GRM5: variants seen among roughly 807,000 people sequenced by gnomAD.
GRM5 encodes the protein glutamate metabotropic receptor 5, also known as metabotropic glutamate receptor 5.
GRM5 carries 19 observed loss-of-function variants against 83.1 expected under a neutral mutation model. The ratio of observed to expected loss-of-function variants is 0.23; its 90% CI spans 0.16 to 0.34. The LOEUF is 0.34. Ranked by LOEUF, GRM5 falls within the 10% of genes least tolerant of loss-of-function variation. The pLI is 1.00. For synonymous variants in GRM5, 675 were observed against 633.6 expected (o/e 1.07, Z -0.98); for missense variants, 1,160 against 1,588.3 (o/e 0.73, Z 4.58).
At chr11:88,742,777 G>T (rs764237098) in intron 3 of GRM5, among the ~76,000 whole-genome samples, 1 of 152,092 alleles carries the variant, frequency 6.6e-6, no homozygotes, top group Non-Finnish European at 1.5e-5. Flanking sequence ...TGTAAGGAAT[G>T]CATTTTTAAC....
intron 3 of GRM5, among the ~76,000 whole-genome samples, chr11:88,707,200 C>T (rs937077772): frequency 1.3e-5 from 2 of 152,058 alleles, no homozygotes; most frequent in Non-Finnish European, 2.9e-5. Flanking sequence ...CTTAACTGTG[C>T]TTCAGTTTCT....
chr11:89,029,209 A>G (rs978957751), intron 2 of GRM5, among the ~76,000 whole-genome samples: 5 of 152,204 alleles, frequency 3.3e-5, no homozygotes, highest in African/African-American at 4.8e-5. Context: ...CCAAAACATT[A>G]CAGAATTTGT....
intron 2 of GRM5, among the ~76,000 whole-genome samples, chr11:88,977,004 C>T (rs1565317151): frequency 6.6e-6 from 1 of 151,672 alleles, no homozygotes; most frequent in African/African-American, 2.4e-5. Context: ...GTTTAATTTT[C>T]TAATAGATCA....
chr11:88,900,791 C>T (rs1203265189), intron 2 of GRM5, among the ~76,000 whole-genome samples: 2 of 152,062 alleles, frequency 1.3e-5, no homozygotes, highest in African/African-American at 4.8e-5. Context: ...ATAATAAATA[C>T]TAAGATAGAG....
intron 2 of GRM5, among the ~76,000 whole-genome samples, chr11:88,890,916 T>C (rs1311045388): frequency 2.6e-5 from 4 of 152,120 alleles, no homozygotes; most frequent in Admixed American, 1.3e-4. Flanking sequence ...GTAAAATGTG[T>C]TTTTTAGTAA....
At chr11:88,630,378 G>A (rs1436813459) in intron 4 of GRM5, among the ~76,000 whole-genome samples, 1 of 151,968 alleles carries the variant, frequency 6.6e-6, no homozygotes, top group East Asian at 1.9e-4. Context: ...TTTGCTGAAG[G>A]GATAAATGAC....
intron 1 of GRM5, among the ~76,000 whole-genome samples, chr11:89,053,101 A>G (rs1426770400): frequency 1.3e-5 from 2 of 152,172 alleles, no homozygotes; most frequent in African/African-American, 4.8e-5. Context: ...CAATTTGAAC[A>G]TCCAAGAGAT....
intron 2 of GRM5, among the ~76,000 whole-genome samples, chr11:88,885,738 G>A (rs186237365): frequency 2.2e-4 from 33 of 152,164 alleles, no homozygotes; most frequent in African/African-American, 5.5e-4. Context: ...GATAGCAAGG[G>A]TTTGGGAATC....
At chr11:89,033,903 G>A (rs1365181432) in intron 2 of GRM5, among the ~76,000 whole-genome samples, 3 of 151,902 alleles carry the variant, frequency 2.0e-5, no homozygotes, top group East Asian at 3.9e-4. Flanking sequence ...TTTCAAAAAA[G>A]AGACAGATAT....
chr11:88,729,903 G>A (rs895811668), intron 3 of GRM5, among the ~76,000 whole-genome samples: 7 of 152,160 alleles, frequency 4.6e-5, no homozygotes, highest in African/African-American at 1.7e-4. Context: ...AGATTTAAAT[G>A]TAAGACCTAA....
chr11:88,977,152 T>C (rs780853401), intron 2 of GRM5, among the ~76,000 whole-genome samples: 4 of 150,690 alleles, frequency 2.7e-5, no homozygotes, highest in Non-Finnish European at 4.4e-5. Context: ...GAGAAATTCA[T>C]CCCAGGTGAT....
chr11:88,727,376 G>A (rs1450397538), intron 3 of GRM5, among the ~76,000 whole-genome samples: 1 of 152,190 alleles, frequency 6.6e-6, no homozygotes, highest in Non-Finnish European at 1.5e-5. Flanking sequence ...GGAGCACCCA[G>A]ATTCATAAAG....
Position 88,731,709 on chromosome 11 carries a change from C to A in GRM5, c.912-78306G>T, listed in dbSNP as rs74543563. On this transcript the variant is annotated intron_variant, in intron 3 of 9. Transcript: ENST00000305447. ...GGAGTAGCCACCTGACCTATATTTA[C>A]AGAAATTAACTGAAAGATCAAGGTA... 1.2e-4 allele frequency among the ~76,000 whole-genome samples: 19 copies of A among 152,018 alleles called. No homozygotes were observed. The East Asian group carries it at 3.7e-3, about 29-fold the overall frequency.
chr11:88,717,633 C>T (rs1941427442), intron 3 of GRM5, among the ~76,000 whole-genome samples: 1 of 151,728 alleles, frequency 6.6e-6, no homozygotes, highest in Non-Finnish European at 1.5e-5. Context: ...AGCAAAATAT[C>T]GTTCTACAAC....
chr11:88,624,632 T>C (rs950067104), intron 4 of GRM5, among the ~76,000 whole-genome samples: 1 of 152,128 alleles, frequency 6.6e-6, no homozygotes, highest in Admixed American at 6.5e-5. Flanking sequence ...CAGTGAGCTA[T>C]GATGGCACCA....
At chr11:88,904,466 C>T (rs1590952901) in intron 2 of GRM5, among the ~76,000 whole-genome samples, 1 of 152,308 alleles carries the variant, frequency 6.6e-6, no homozygotes, top group African/African-American at 2.4e-5. Context: ...CCATTCTAGC[C>T]AAGAGCAAAT....
intron 5 of GRM5, among the ~76,000 whole-genome samples, chr11:88,602,987 A>C (rs916911560): frequency 6.6e-6 from 1 of 152,156 alleles, no homozygotes; most frequent in African/African-American, 2.4e-5. Flanking sequence ...AACTCTGATA[A>C]TTTATTCATG....
intron 3 of GRM5, among the ~76,000 whole-genome samples, chr11:88,665,804 GTTGTCAGAAAGCTATC>G (rs6144432): frequency 0.56 from 83,267 of 148,642 alleles, 26,900 homozygotes; most frequent in South Asian, 0.81. Flanking sequence ...ATTTGTTTAA[GTTGTCAGAAAGCTATC>G]TAGTCAGCCA....
At chr11:88,570,571 A>ATTTTTTTTTT (rs1194098388) in intron 7 of GRM5, among the ~76,000 whole-genome samples, 15 of 46,378 alleles carry the variant, frequency 3.2e-4, no homozygotes, top group African/African-American at 1.5e-3. Flanking sequence ...ATATATATAT[A>ATTTTTTTTTT]TTTTTTTTTT....
Sources: allele counts gnomAD v4.1 joint callset (sites outside exome capture counted in the v4.1 genomes callset), GRCh38; gene constraint gnomAD v4.1.1; transcripts MANE v1.5; gene names NCBI Gene and HGNC (gene_info 2026-07-23, HGNC 2026-07-21).